Variants in LCLAT1 observed in about 807,000 individuals in gnomAD.
LCLAT1 encodes the protein lysocardiolipin acyltransferase 1, also known as 1-AGP acyltransferase 8.
A neutral mutation model predicts 30.7 loss-of-function variants in LCLAT1; 11 were observed. The ratio of observed to expected loss-of-function variants is 0.36; its 90% confidence interval spans 0.23 to 0.59. The LOEUF (loss-of-function observed/expected upper bound fraction) is 0.59, where lower values mean the gene tolerates loss of function less well. LCLAT1 is among the 20% of genes least tolerant of loss of function. The pLI is 0.77. For synonymous variants in LCLAT1, 155 were observed against 151.3 expected (o/e 1.02, Z -0.18); for missense variants, 402 against 458.6 (o/e 0.88, Z 1.13).
intron 5 of LCLAT1, among the ~76,000 whole-genome samples, chr2:30,635,658 C>A (rs2148533942): frequency 6.6e-6 from 1 of 152,128 alleles, no homozygotes; most frequent in East Asian, 1.9e-4. Flanking sequence ...TCTTTCAGAA[C>A]CAAGACTTCA....
chr2:30,553,466 G>A (rs1664769739), intron 3 of LCLAT1, among the ~76,000 whole-genome samples: 1 of 152,178 alleles, frequency 6.6e-6, no homozygotes, highest in Non-Finnish European at 1.5e-5. Context: ...CAGACTCCCA[G>A]CCCTCGTCTG....
chr2:30,534,833 T>G (rs557676243), intron 3 of LCLAT1, among the ~76,000 whole-genome samples: 102 of 152,236 alleles, frequency 6.7e-4, no homozygotes, highest in African/African-American at 2.4e-3. Flanking sequence ...GCCCCACAGA[T>G]TGAAGATGTG....
At chr2:30,482,702 G>A (rs968892377) in intron 1 of LCLAT1, among the ~76,000 whole-genome samples, 5 of 151,946 alleles carry the variant, frequency 3.3e-5, no homozygotes, top group Non-Finnish European at 7.4e-5. Flanking sequence ...TTAGGAGGCT[G>A]AGGCAGGAGT....
Position 30,496,438 on chromosome 2 carries a change from G to A in LCLAT1, c.-4-29149G>A, listed in dbSNP as rs562141570. 2.8e-4 allele frequency among the ~76,000 whole-genome samples: 43 copies of A among 152,296 alleles called. No individual in the cohort carries two copies. The South Asian group carries it at 6.4e-3, about 23-fold the overall frequency. ...TCTGGGCGTCTTTCTTCCGGGTACT[G>A]TATAGGTGGTGGACATGTGGATATG... On this transcript the variant is annotated intron_variant, in intron 1 of 5. Coordinates refer to ENST00000379509, the MANE Select transcript of LCLAT1 (RefSeq NM_001002257.3).
intron 5 of LCLAT1, among the ~76,000 whole-genome samples, chr2:30,568,864 C>CAAAAAAAAAAA (rs61325694): frequency 3.4e-5 from 3 of 89,102 alleles, no homozygotes; most frequent in African/African-American, 8.0e-5. Flanking sequence ...TCATGAATAG[C>CAAAAAAAAAAA]AAAAAAAAAA....
chr2:30,590,515 A>ATT lies in LCLAT1; in HGVS notation c.628+22342_628+22343dup, dbSNP rs995532227. Among the ~76,000 whole-genome samples, 33 of 143,028 alleles carry ATT rather than the reference A, an allele frequency of 2.3e-4. No homozygotes were observed. The East Asian group carries it at 5.2e-3, about 22-fold the overall frequency. 93.8% of individuals were successfully genotyped at this position (143,028 alleles called of 152,430 possible). On this transcript the variant is annotated intron_variant, in intron 5 of 5. Coordinates refer to ENST00000379509, the MANE Select transcript of LCLAT1 (RefSeq NM_001002257.3). ...CCCATTCTTATGTGAAGGTGGACAT[A>ATT]TTTTATATATATATATATTATATGT...
chr2:30,637,162 G>A (rs1028730192), intron 5 of LCLAT1, among the ~76,000 whole-genome samples: 3 of 152,178 alleles, frequency 2.0e-5, no homozygotes, highest in African/African-American at 4.8e-5. Flanking sequence ...TGGCACTGAG[G>A]AAAGGCACCT....
intron 5 of LCLAT1, among the ~76,000 whole-genome samples, chr2:30,605,516 G>T (rs565652326): frequency 6.6e-6 from 1 of 152,250 alleles, no homozygotes; most frequent in South Asian, 2.1e-4. Context: ...TTGCTGTTAA[G>T]AACTGCTTTA....
intron 5 of LCLAT1, chr2:30,606,129 T>C (rs768977844): frequency 2.3e-5 from 20 of 859,688 alleles, no homozygotes; most frequent in Admixed American, 1.1e-4. Flanking sequence ...GCTCATGGAT[T>C]GGAAGAATCA....
chr2:30,622,658 C>G (rs1422599147), intron 5 of LCLAT1, among the ~76,000 whole-genome samples: 1 of 152,120 alleles, frequency 6.6e-6, no homozygotes, highest in Non-Finnish European at 1.5e-5. Flanking sequence ...AGTCACCAGC[C>G]GGAAGCCTGG....
chr2:30,600,262 G>A (rs1323457630), intron 5 of LCLAT1, among the ~76,000 whole-genome samples: 1 of 152,162 alleles, frequency 6.6e-6, no homozygotes, highest in South Asian at 2.1e-4. Context: ...ACTTGCTCCT[G>A]AATGACTCCT....
rs554027665 is a variant in LCLAT1, at chr2:30,641,805, G to A, written c.*1186G>A. On this transcript the variant is annotated 3_prime_UTR_variant, in exon 6 of 6. Coordinates refer to ENST00000379509, the MANE Select transcript of LCLAT1 (RefSeq NM_001002257.3). ...AATATTCTTGTCATTTGGAGTCAGT[G>A]GAAAATCCAGCACACCAAGCACCAG... 1 of 152,056 alleles carries A rather than the reference G, an allele frequency of 6.6e-6. No individual in the cohort carries two copies. Among genetic ancestry groups the A allele is most frequent in the East Asian group, 1.9e-4 (1 of 5,180 alleles). The allele number at this position is 152,056 out of a possible 1,614,324, so 9.4% of individuals were successfully genotyped here. A position where few individuals can be genotyped will look rare whatever the true frequency, so the allele number is the denominator to read the frequency against.
intron 5 of LCLAT1, chr2:30,607,394 TAC>T (rs1423693571): frequency 6.6e-6 from 1 of 152,134 alleles, no homozygotes; most frequent in Non-Finnish European, 1.5e-5. Context: ...CTTTGGGATA[TAC>T]AGTCATGCAA....
chr2:30,496,212 A>G (rs1684105459), intron 1 of LCLAT1, among the ~76,000 whole-genome samples: 1 of 152,026 alleles, frequency 6.6e-6, no homozygotes, highest in Non-Finnish European at 1.5e-5. Flanking sequence ...TGATCCAGTC[A>G]CCTCCCACCA....
At chr2:30,521,882 G>A (rs1188987244) in intron 1 of LCLAT1, among the ~76,000 whole-genome samples, 1 of 152,174 alleles carries the variant, frequency 6.6e-6, no homozygotes, top group African/African-American at 2.4e-5. Context: ...CCGCTGATCT[G>A]TTTCCTTATC....
At chr2:30,459,458 G>A (rs772053087) in intron 1 of LCLAT1, 13 of 667,822 alleles carry the variant, frequency 1.9e-5, no homozygotes, top group South Asian at 5.3e-5. Flanking sequence ...CCCTGGGCCC[G>A]TAATCTGTTT....
intron 1 of LCLAT1, among the ~76,000 whole-genome samples, chr2:30,466,249 C>T (rs921945872): frequency 4.9e-5 from 7 of 143,746 alleles, no homozygotes; most frequent in Admixed American, 7.2e-5. Flanking sequence ...CTTTTCTTTT[C>T]TTTCTTTCCT....
intron 5 of LCLAT1, among the ~76,000 whole-genome samples, chr2:30,602,969 A>C (rs1198945426): frequency 1.3e-5 from 2 of 152,206 alleles, no homozygotes; most frequent in African/African-American, 2.4e-5. Context: ...ACTGGAAAGA[A>C]TTGAGTTAGA....
At chr2:30,611,604 C>T (rs971336101) in intron 5 of LCLAT1, among the ~76,000 whole-genome samples, 6 of 152,244 alleles carry the variant, frequency 3.9e-5, no homozygotes, top group African/African-American at 1.2e-4. Flanking sequence ...GACCCTGAGT[C>T]AGTAGGCTGA....
Sources: allele counts gnomAD v4.1 joint callset (sites outside exome capture counted in the v4.1 genomes callset), GRCh38; gene constraint gnomAD v4.1.1; transcripts MANE v1.5; gene names NCBI Gene and HGNC (gene_info 2026-07-23, HGNC 2026-07-21).